KCND2: variants seen among roughly 807,000 people sequenced by gnomAD.
KCND2 encodes A-type voltage-gated potassium channel KCND2.
Under a neutral mutation model 54.4 loss-of-function variants are expected in KCND2, and 16 were observed. That is an observed-to-expected ratio of 0.29 (90% CI 0.20 to 0.45). KCND2 has a LOEUF of 0.45. Ranked by LOEUF, KCND2 falls within the 20% of genes least tolerant of loss-of-function variation. KCND2 has a pLI of 1.00. For synonymous variants in KCND2, 317 were observed against 310.7 expected (o/e 1.02, Z -0.21); for missense variants, 486 against 824.2 (o/e 0.59, Z 5.02).
intron 1 of KCND2, among the ~76,000 whole-genome samples, chr7:120,636,212 G>C (rs1016261454): frequency 6.6e-6 from 1 of 152,036 alleles, no homozygotes. Context: ...GACATATAAT[G>C]ATGACCTAAA....
chr7:120,669,424 G>GA (rs1169825645), intron 1 of KCND2, among the ~76,000 whole-genome samples: 1 of 151,888 alleles, frequency 6.6e-6, no homozygotes, highest in Non-Finnish European at 1.5e-5. Context: ...GATAGAATCA[G>GA]AAGAAAAAAT....
At chr7:120,437,040 C>G (rs1237074628) in intron 1 of KCND2, among the ~76,000 whole-genome samples, 1 of 152,030 alleles carries the variant, frequency 6.6e-6, no homozygotes, top group Non-Finnish European at 1.5e-5. Flanking sequence ...CTCAGCCTAT[C>G]GAACTTTGCC....
At chr7:120,337,999 C>G (rs1009921915) in intron 1 of KCND2, among the ~76,000 whole-genome samples, 4 of 152,004 alleles carry the variant, frequency 2.6e-5, no homozygotes, top group Non-Finnish European at 5.9e-5. Context: ...TAAAAATTGT[C>G]CTTTTATCCA....
chr7:120,369,852 T>C (rs1187176785), intron 1 of KCND2, among the ~76,000 whole-genome samples: 1 of 152,054 alleles, frequency 6.6e-6, no homozygotes, highest in Non-Finnish European at 1.5e-5. Context: ...GAAGAACGCT[T>C]TCCTCATAAA....
chr7:120,523,781 A>T (rs1289924224), intron 1 of KCND2, among the ~76,000 whole-genome samples: 2 of 148,652 alleles, frequency 1.3e-5, no homozygotes, highest in South Asian at 4.2e-4. Context: ...ACAATTTGTT[A>T]TATATGTGTG....
chr7:120,430,137 C>T (rs1801768519), intron 1 of KCND2, among the ~76,000 whole-genome samples: 1 of 152,122 alleles, frequency 6.6e-6, no homozygotes, highest in Non-Finnish European at 1.5e-5. Context: ...TTTCACAGTT[C>T]TGAAGGCTAG....
chr7:120,689,168 G>A (rs1047844433), intron 1 of KCND2, among the ~76,000 whole-genome samples: 3 of 152,070 alleles, frequency 2.0e-5, no homozygotes, highest in Admixed American at 2.0e-4. Context: ...GCCGAATTTG[G>A]ATATTCACTT....
chr7:120,721,940 T>C (rs1032077699), intron 1 of KCND2, among the ~76,000 whole-genome samples: 2 of 152,148 alleles, frequency 1.3e-5, no homozygotes, highest in Non-Finnish European at 2.9e-5. Context: ...AGAGAGCTGA[T>C]GATTTTATAA....
chr7:120,655,087 G>A (rs1791784406), intron 1 of KCND2, among the ~76,000 whole-genome samples: 1 of 151,524 alleles, frequency 6.6e-6, no homozygotes, highest in Non-Finnish European at 1.5e-5. Flanking sequence ...TGGTGGAAAG[G>A]ATTTTTGTAA....
chr7:120,619,893 A>C (rs1793076004), intron 1 of KCND2, among the ~76,000 whole-genome samples: 1 of 152,228 alleles, frequency 6.6e-6, no homozygotes, highest in Non-Finnish European at 1.5e-5. Context: ...TAAAACAAAA[A>C]TACAAAAGCA....
chr7:120,547,063 A>G (rs1163631545), intron 1 of KCND2, among the ~76,000 whole-genome samples: 1 of 152,008 alleles, frequency 6.6e-6, no homozygotes, highest in Non-Finnish European at 1.5e-5. Context: ...TGTAAACTAT[A>G]AACACTGGCA....
intron 1 of KCND2, among the ~76,000 whole-genome samples, chr7:120,658,977 G>C (rs776913035): frequency 6.6e-6 from 1 of 152,164 alleles, no homozygotes; most frequent in Non-Finnish European, 1.5e-5. Flanking sequence ...GAGAGATAAA[G>C]TATATAAACA....
At chr7:120,316,630 G>T (rs1215255008) in intron 1 of KCND2, among the ~76,000 whole-genome samples, 1 of 151,992 alleles carries the variant, frequency 6.6e-6, no homozygotes, top group African/African-American at 2.4e-5. Context: ...ATTTTTATTA[G>T]TTTATTTGCA....
chr7:120,533,733 C>T (rs1279525300), intron 1 of KCND2, among the ~76,000 whole-genome samples: 1 of 152,074 alleles, frequency 6.6e-6, no homozygotes, highest in African/African-American at 2.4e-5. Flanking sequence ...TCCGTCTTGA[C>T]ACATAAATGA....
At chr7:120,635,507 G>A (rs543207563) in intron 1 of KCND2, among the ~76,000 whole-genome samples, 10 of 152,286 alleles carry the variant, frequency 6.6e-5, no homozygotes, top group African/African-American at 2.4e-4. Context: ...GAGAATAAAT[G>A]AGATTGTTAA....
At chr7:120,567,416 A>C (rs1010437512) in intron 1 of KCND2, among the ~76,000 whole-genome samples, 16 of 152,234 alleles carry the variant, frequency 1.1e-4, no homozygotes, top group African/African-American at 3.8e-4. Context: ...TTTGAAATCC[A>C]TGTATCTGTC....
intron 1 of KCND2, among the ~76,000 whole-genome samples, chr7:120,342,668 G>A (rs1415512123): frequency 1.3e-5 from 2 of 152,092 alleles, no homozygotes; most frequent in East Asian, 1.9e-4. Flanking sequence ...TTTTTAAAAT[G>A]TGTGGATATA....
At chr7:120,482,759 T>C (rs1430209096) in intron 1 of KCND2, among the ~76,000 whole-genome samples, 1 of 152,152 alleles carries the variant, frequency 6.6e-6, no homozygotes, top group Non-Finnish European at 1.5e-5. Flanking sequence ...TAATAAGTGT[T>C]TGTACTTTGT....
chr7:120,355,245 G>C (rs1414821852), intron 1 of KCND2, among the ~76,000 whole-genome samples: 1 of 152,150 alleles, frequency 6.6e-6, no homozygotes, highest in Non-Finnish European at 1.5e-5. Context: ...ACTTTCAGTA[G>C]AGTATTCAAT....
Sources: allele counts gnomAD v4.1 joint callset (sites outside exome capture counted in the v4.1 genomes callset), GRCh38; gene constraint gnomAD v4.1.1; transcripts MANE v1.5; gene names NCBI Gene and HGNC (gene_info 2026-07-23, HGNC 2026-07-21).